The following NBEAL1 variants were observed in gnomAD, a reference collection of about 807,000 sequenced individuals.
NBEAL1 encodes the protein neurobeachin-like protein 1.
NBEAL1 carries 273 observed loss-of-function variants against 351.3 expected under a neutral mutation model. The observed-to-expected ratio is 0.78, with a 90% CI of 0.70 to 0.86. The LOEUF (loss-of-function observed/expected upper bound fraction) is 0.86. Among genes scored for constraint, NBEAL1 ranks in the 40% least tolerant of loss-of-function variants. NBEAL1 has a pLI of 0.00. For missense variants in NBEAL1, 2,961 were observed against 3,201.3 expected, an observed-to-expected ratio of 0.92 and a Z score of 1.81; for synonymous variants, 1,050 against 1,086.4, an observed-to-expected ratio of 0.97 and a Z score of 0.66.
At position 203,099,702 on chromosome 2, in the gene NBEAL1, C is replaced by A; in HGVS notation, c.1259C>A (p.Pro420Gln). Residue 420 changes from proline (P) to glutamine (Q), a missense_variant, in exon 12 of 56, where the codon CCA becomes CAA. By Grantham distance (76) the Pro-to-Gln change is moderately conservative. Transcript: ENST00000683969. ...QALTAVMNKSPAAKEVFKERI... is the reference protein window; with the variant it reads ...QALTAVMNKSQAAKEVFKERI... ...TTGACCGCAGTAATGAACAAATCTC[C>A]AGCTGCTAAGGTGAAACATATATCC... is the stretch of plus-strand genomic sequence containing the variant. 6.5e-7 allele frequency: 1 copy of A among 1,546,742 alleles called. No homozygotes were observed. The highest frequency in any genetic ancestry group is 2.4e-5 in the East Asian group (1 of 41,006).
chr2:203,171,886 A>C (rs1559035213), intron 39 of NBEAL1, 42 bp from the exon 40 acceptor site: 2 of 1,170,142 alleles, frequency 1.7e-6, no homozygotes, highest in Non-Finnish European at 2.4e-6. Flanking sequence ...TAAGAGATGT[A>C]GATTTTTAAA....
At chr2:203,019,271 T>C (rs1394070343) in intron 2 of NBEAL1, among the ~76,000 whole-genome samples, 1 of 152,184 alleles carries the variant, frequency 6.6e-6, no homozygotes, top group Non-Finnish European at 1.5e-5. Context: ...CCTATATGTG[T>C]TATTTTATTA....
intron 31 of NBEAL1, among the ~76,000 whole-genome samples, chr2:203,140,550 C>T (rs2063340091): frequency 6.6e-6 from 1 of 151,088 alleles, no homozygotes; most frequent in African/African-American, 2.4e-5. Context: ...AACACATATT[C>T]AATTGTAGAA....
At chr2:203,077,629 CTTT>C in intron 7 of NBEAL1, 120 bp from the exon 8 acceptor site, 1 of 526,884 alleles carries the variant, frequency 1.9e-6, no homozygotes, top group Non-Finnish European at 3.0e-6. Context: ...TCAACCTTGG[CTTT>C]TAACACAGAT....
intron 3 of NBEAL1, among the ~76,000 whole-genome samples, chr2:203,046,929 C>A (rs557083723): frequency 6.6e-6 from 1 of 152,284 alleles, no homozygotes; most frequent in Middle Eastern, 3.4e-3. Context: ...AATGCCAGCA[C>A]TTTGGGAGGC....
chr2:203,138,133 G>A, intron 29 of NBEAL1, 29 bp from the exon 30 acceptor site: 1 of 1,610,710 alleles, frequency 6.2e-7, no homozygotes, highest in Non-Finnish European at 8.5e-7. Context: ...GCTCACAATG[G>A]TTTTAAGAGG....
intron 2 of NBEAL1, among the ~76,000 whole-genome samples, chr2:203,028,631 A>G (rs1398649146): frequency 1.3e-5 from 2 of 151,290 alleles, no homozygotes; most frequent in African/African-American, 2.4e-5. Context: ...TCAATGTTAT[A>G]TTAATATGTC....
intron 27 of NBEAL1, among the ~76,000 whole-genome samples, chr2:203,133,640 C>T (rs1018528908): frequency 6.6e-6 from 1 of 151,504 alleles, no homozygotes; most frequent in African/African-American, 2.4e-5. Context: ...AACCATTGAC[C>T]TATTTAATTT....
intron 2 of NBEAL1, among the ~76,000 whole-genome samples, chr2:203,021,191 G>A (rs764095012): frequency 4.0e-5 from 6 of 151,742 alleles, no homozygotes; most frequent in Admixed American, 2.6e-4. Flanking sequence ...CATGTTGGCC[G>A]GGCTGGTCTT....
chr2:203,024,374 A>G (rs867287733), intron 2 of NBEAL1, among the ~76,000 whole-genome samples: 1 of 151,962 alleles, frequency 6.6e-6, no homozygotes, highest in Non-Finnish European at 1.5e-5. Context: ...CCTGGCCAAC[A>G]TGATGTAACC....
chr2:203,168,254 A>T (rs1406598711), intron 38 of NBEAL1, among the ~76,000 whole-genome samples: 3 of 152,248 alleles, frequency 2.0e-5, no homozygotes, highest in African/African-American at 7.2e-5. Context: ...GTACATTTCT[A>T]TAAAGTAGCT....
chr2:203,068,807 A>G (rs933591853), intron 7 of NBEAL1, among the ~76,000 whole-genome samples: 30 of 152,260 alleles, frequency 2.0e-4, no homozygotes, highest in Admixed American at 7.8e-4. Flanking sequence ...TTGGCTCACC[A>G]CAACCTCTAC....
At chr2:203,205,919 T>G (rs1344980116) in intron 51 of NBEAL1, among the ~76,000 whole-genome samples, 1 of 152,166 alleles carries the variant, frequency 6.6e-6, no homozygotes, top group Non-Finnish European at 1.5e-5. Flanking sequence ...TCAAGGGGAA[T>G]TAATGCACAC....
chr2:203,134,993 T>C (rs2063165809), intron 27 of NBEAL1, among the ~76,000 whole-genome samples: 1 of 151,990 alleles, frequency 6.6e-6, no homozygotes, highest in Admixed American at 6.6e-5. Flanking sequence ...CTGGCCAACA[T>C]GGTGAAACCC....
chr2:203,064,485 G>C (rs916453696), intron 6 of NBEAL1, among the ~76,000 whole-genome samples: 23 of 152,224 alleles, frequency 1.5e-4, no homozygotes, highest in African/African-American at 5.5e-4. Flanking sequence ...TCATCAGTAA[G>C]AAGTAGTGGG....
At chr2:203,046,150 TA>T (rs973196085) in intron 3 of NBEAL1, among the ~76,000 whole-genome samples, 1 of 151,410 alleles carries the variant, frequency 6.6e-6, no homozygotes, top group African/African-American at 2.4e-5. Flanking sequence ...CCCTATCTCT[TA>T]AAAAAAATTG....
At chr2:203,159,977 T>C (rs2063901851) in intron 36 of NBEAL1, among the ~76,000 whole-genome samples, 1 of 152,102 alleles carries the variant, frequency 6.6e-6, no homozygotes. Context: ...ATTTGCATTT[T>C]CCTAGTACCT....
intron 36 of NBEAL1, among the ~76,000 whole-genome samples, chr2:203,160,709 TTTTG>T (rs1274972280): frequency 1.3e-5 from 2 of 152,328 alleles, no homozygotes; most frequent in South Asian, 2.1e-4. Context: ...ACTGTTGTGA[TTTTG>T]TTTGTTTGTT....
Position 203,221,765 on chromosome 2 carries a change from T to C in NBEAL1, c.*4411T>C, listed in dbSNP as rs2065956587. Among the ~76,000 whole-genome samples the C allele has an allele frequency of 6.6e-6, 1 of 152,226 alleles. No homozygotes were observed. The highest frequency in any genetic ancestry group is 1.5e-5 in the Non-Finnish European group (1 of 68,040). On this transcript the variant is annotated 3_prime_UTR_variant, in exon 56 of 56. Transcript: ENST00000683969. Reference sequence around the variant, plus strand: ...TTAAACTTGACTCCATCCAGAGCATTGTTCTATAGAGTTTTCCTGTATTTA... The same window carrying C: ...TTAAACTTGACTCCATCCAGAGCATCGTTCTATAGAGTTTTCCTGTATTTA...
Sources: allele counts gnomAD v4.1 joint callset (sites outside exome capture counted in the v4.1 genomes callset), GRCh38; gene constraint gnomAD v4.1.1; transcripts MANE v1.5; gene names NCBI Gene and HGNC (gene_info 2026-07-23, HGNC 2026-07-21).